The following SNTG2 variants were observed in gnomAD, a reference collection of about 807,000 sequenced individuals.
SNTG2 encodes the protein syntrophin gamma 2, also known as gamma-2-syntrophin.
In SNTG2, 74 loss-of-function variants were observed where a neutral mutation model predicts 70.9. The ratio of observed to expected loss-of-function variants is 1.04; its 90% confidence interval spans 0.86 to 1.27. The LOEUF is 1.27. SNTG2 is among the 50% of genes most tolerant of loss of function. The pLI is 0.00. For missense variants in SNTG2, 717 were observed against 690.7 expected, an observed-to-expected ratio of 1.04 and a Z score of -0.43; for synonymous variants, 278 against 273.8, an observed-to-expected ratio of 1.02 and a Z score of -0.15.
At chr2:1,152,978 G>C (rs538480633) in intron 6 of SNTG2, among the ~76,000 whole-genome samples, 13 of 152,266 alleles carry the variant, frequency 8.5e-5, no homozygotes, top group African/African-American at 3.1e-4. Flanking sequence ...ACAAAAATTA[G>C]CTGGGTGTGG....
intron 14 of SNTG2, among the ~76,000 whole-genome samples, chr2:1,295,017 C>G (rs1680142900): frequency 6.6e-6 from 1 of 152,214 alleles, no homozygotes; most frequent in Non-Finnish European, 1.5e-5. Flanking sequence ...TTCACTCCCG[C>G]TGCGCTGAGT....
chr2:1,012,379 A>C (rs1659752531), intron 1 of SNTG2, among the ~76,000 whole-genome samples: 1 of 152,248 alleles, frequency 6.6e-6, no homozygotes, highest in Non-Finnish European at 1.5e-5. Context: ...AGCGATGAGC[A>C]GAGCCTGGCA....
intron 1 of SNTG2, among the ~76,000 whole-genome samples, chr2:1,056,854 A>AGG (rs1662466926): frequency 6.0e-5 from 3 of 50,354 alleles, no homozygotes; most frequent in African/African-American, 9.0e-5. Context: ...GTGGGGAGGG[A>AGG]GAGAGGGAGA....
At chr2:1,159,683 C>T (rs1317110658) in intron 6 of SNTG2, among the ~76,000 whole-genome samples, 2 of 151,994 alleles carry the variant, frequency 1.3e-5, no homozygotes, top group South Asian at 2.1e-4. Flanking sequence ...GCAAGAGCAA[C>T]AGAGAAGCCC....
At chr2:1,116,190 G>C (rs1406915966) in intron 4 of SNTG2, among the ~76,000 whole-genome samples, 1 of 149,742 alleles carries the variant, frequency 6.7e-6, no homozygotes, top group Non-Finnish European at 1.5e-5. Context: ...GGTGGTCACG[G>C]GTTTTAGGGC....
At position 1,237,876 on chromosome 2, in the gene SNTG2, C is replaced by T. The variant is rs1326648426; in HGVS notation, c.720-12C>T. On this transcript the variant is annotated splice_polypyrimidine_tract_variant and intron_variant, in intron 9 of 16. Transcript: ENST00000308624. ...GCTGCGGGGCCTCCTGGACAGCTCT[C>T]TCCCTCCCCAGGTGGAATGCGTTCG... The T allele has an allele frequency of 1.3e-6, 2 of 1,594,802 alleles. No homozygotes were observed. Among genetic ancestry groups the T allele is most frequent in the Non-Finnish European group, 1.7e-6 (2 of 1,171,210 alleles).
chr2:1,058,575 C>G (rs1301294944), intron 1 of SNTG2, among the ~76,000 whole-genome samples: 1 of 152,224 alleles, frequency 6.6e-6, no homozygotes, highest in African/African-American at 2.4e-5. Flanking sequence ...GTCTCCTCAG[C>G]TGCTGCTGTC....
At chr2:985,087 A>AGT (rs1255875418) in intron 1 of SNTG2, among the ~76,000 whole-genome samples, 2 of 152,152 alleles carry the variant, frequency 1.3e-5, no homozygotes, top group Non-Finnish European at 2.9e-5. Flanking sequence ...CCGATCATCA[A>AGT]GTGTTGCCTG....
intron 1 of SNTG2, among the ~76,000 whole-genome samples, chr2:1,025,191 T>C (rs1016801941): frequency 6.6e-6 from 1 of 152,168 alleles, no homozygotes; most frequent in Non-Finnish European, 1.5e-5. Context: ...TGAGTAGTGC[T>C]TGAGCAGGAA....
intron 11 of SNTG2, among the ~76,000 whole-genome samples, chr2:1,241,372 T>C (rs1238376805): frequency 6.6e-6 from 1 of 152,232 alleles, no homozygotes; most frequent in Non-Finnish European, 1.5e-5. Flanking sequence ...GGACTTGGCC[T>C]TTACGTGTTT....
chr2:1,189,373 A>G (rs960663161), intron 8 of SNTG2, among the ~76,000 whole-genome samples: 2 of 136,804 alleles, frequency 1.5e-5, no homozygotes, highest in Non-Finnish European at 3.2e-5. Flanking sequence ...GAAATTAACA[A>G]GACAGTTCTC....
intron 8 of SNTG2, among the ~76,000 whole-genome samples, chr2:1,190,623 A>T (rs1047878382): frequency 6.7e-6 from 1 of 149,918 alleles, no homozygotes; most frequent in Non-Finnish European, 1.5e-5. Context: ...TTGGAATATA[A>T]GAATATTTAC....
chr2:1,158,006 G>T (rs1478978753), intron 6 of SNTG2, among the ~76,000 whole-genome samples: 1 of 152,186 alleles, frequency 6.6e-6, no homozygotes, highest in Non-Finnish European at 1.5e-5. Context: ...GGCAGGTTTG[G>T]TACGGGGCAT....
chr2:965,054 C>T (rs557160702), intron 1 of SNTG2, among the ~76,000 whole-genome samples: 2 of 152,126 alleles, frequency 1.3e-5, no homozygotes, highest in African/African-American at 4.8e-5. Context: ...TCATCCTTGG[C>T]CCTGAATCCT....
At chr2:1,221,437 G>C (rs1354434447) in intron 9 of SNTG2, among the ~76,000 whole-genome samples, 5 of 84,986 alleles carry the variant, frequency 5.9e-5, no homozygotes, top group South Asian at 4.2e-4. Context: ...GTCTCTCTCT[G>C]TCTCTGTCTC....
chr2:1,254,327 C>G (rs1677926641), intron 12 of SNTG2, among the ~76,000 whole-genome samples: 3 of 152,186 alleles, frequency 2.0e-5, no homozygotes, highest in Admixed American at 1.3e-4. Flanking sequence ...CTCACACACC[C>G]TACTCTCCCT....
At chr2:1,051,390 C>G (rs77557904) in intron 1 of SNTG2, among the ~76,000 whole-genome samples, 10,932 of 152,210 alleles carry the variant, frequency 0.072, 640 homozygotes, top group Admixed American at 0.19. Context: ...TGGAAGCTCT[C>G]TTATTAAAAG....
intron 1 of SNTG2, among the ~76,000 whole-genome samples, chr2:1,055,259 C>G (rs1199897321): frequency 1.3e-5 from 2 of 152,264 alleles, no homozygotes; most frequent in Admixed American, 1.3e-4. Context: ...GGCCATCTGC[C>G]TGACTGTGCA....
At chr2:1,034,522 A>G (rs1661024806) in intron 1 of SNTG2, among the ~76,000 whole-genome samples, 1 of 152,176 alleles carries the variant, frequency 6.6e-6, no homozygotes, top group Non-Finnish European at 1.5e-5. Context: ...TCAATCTTTG[A>G]GGAATCACCA....
Sources: allele counts gnomAD v4.1 joint callset (sites outside exome capture counted in the v4.1 genomes callset), GRCh38; gene constraint gnomAD v4.1.1; transcripts MANE v1.5; gene names NCBI Gene and HGNC (gene_info 2026-07-23, HGNC 2026-07-21).